Variants in NCMAP observed in about 807,000 individuals in gnomAD.
NCMAP encodes the protein non-compact myelin associated protein, also known as noncompact myelin-associated protein.
A neutral mutation model predicts 7.8 loss-of-function variants in NCMAP; 8 were observed. That is an observed-to-expected ratio of 1.02 (90% CI 0.60 to 1.84). NCMAP has a LOEUF of 1.84. NCMAP is among the 40% of genes most tolerant of loss of function. The probability of loss-of-function intolerance (pLI) is 0.00; values close to 1 mark genes in which losing one functional copy is unlikely to be tolerated. For missense variants in NCMAP, 112 were observed against 131.4 expected (o/e 0.85, Z 0.72); for synonymous variants, 41 against 52.9 (o/e 0.78, Z 0.98).
chr1:24,568,306 G>T (rs766871451), intron 1 of NCMAP, among the ~76,000 whole-genome samples: 4 of 152,168 alleles, frequency 2.6e-5, no homozygotes, highest in Admixed American at 6.5e-5. Context: ...GGAAGGAGAG[G>T]GAAACAAGTT....
intron 1 of NCMAP, among the ~76,000 whole-genome samples, chr1:24,586,759 C>CA (rs71577722): frequency 0.085 from 9,089 of 107,220 alleles, 387 homozygotes; most frequent in East Asian, 0.17. Flanking sequence ...GACTCCATCT[C>CA]AAAAAAAAAA....
chr1:24,569,121 G>A (rs1158632734), intron 1 of NCMAP, among the ~76,000 whole-genome samples: 1 of 151,880 alleles, frequency 6.6e-6, no homozygotes, highest in Non-Finnish European at 1.5e-5. Context: ...AGCCTCCCGA[G>A]TAGCTGAGAT....
chr1:24,568,240 C>T (rs1050461696), intron 1 of NCMAP, among the ~76,000 whole-genome samples: 1 of 152,044 alleles, frequency 6.6e-6, no homozygotes, highest in Non-Finnish European at 1.5e-5. Flanking sequence ...TCCTGGAGGC[C>T]CGCACGGGGC....
At chr1:24,593,900 A>T (rs12096809) in intron 1 of NCMAP, among the ~76,000 whole-genome samples, 17 of 136,590 alleles carry the variant, frequency 1.2e-4, no homozygotes, top group African/African-American at 3.2e-4. Flanking sequence ...TTATTTATTT[A>T]TTTTTTATTT....
At chr1:24,578,560 C>CTTTTTTTTTTTTT (rs555342098) in intron 1 of NCMAP, among the ~76,000 whole-genome samples, 1 of 107,376 alleles carries the variant, frequency 9.3e-6, no homozygotes, top group African/African-American at 4.3e-5. Flanking sequence ...TTCTTTCTTT[C>CTTTTTTTTTTTTT]TTTTTTTTTT....
chr1:24,592,209 G>A (rs1652067805), intron 1 of NCMAP, among the ~76,000 whole-genome samples: 1 of 152,324 alleles, frequency 6.6e-6, no homozygotes, highest in Admixed American at 6.5e-5. Flanking sequence ...TAGAACCAGC[G>A]AGTGAAGGGC....
chr1:24,574,536 C>A (rs996393309), intron 1 of NCMAP, among the ~76,000 whole-genome samples: 3 of 152,160 alleles, frequency 2.0e-5, no homozygotes, highest in African/African-American at 7.2e-5. Flanking sequence ...CACCGGACTT[C>A]GCAGCCTCCA....
chr1:24,593,857 ATTATTTATTTATTTAT>A (rs139852120), intron 1 of NCMAP, among the ~76,000 whole-genome samples: 139 of 144,718 alleles, frequency 9.6e-4, no homozygotes, highest in South Asian at 3.4e-3. Context: ...GTTCAGAGCG[ATTATTTATTTATTTAT>A]TTATTTATTT....
chr1:24,559,604 G>A (rs528372832), intron 1 of NCMAP, among the ~76,000 whole-genome samples: 28 of 152,354 alleles, frequency 1.8e-4, no homozygotes, highest in South Asian at 1.4e-3. Context: ...CTCTAAGACA[G>A]AGAGGCCTGT....
intron 1 of NCMAP, among the ~76,000 whole-genome samples, chr1:24,582,461 T>A (rs1402874769): frequency 6.6e-6 from 1 of 152,098 alleles, no homozygotes; most frequent in Admixed American, 6.6e-5. Context: ...GTGGGCCCAA[T>A]GTCATCGTAA....
intron 1 of NCMAP, among the ~76,000 whole-genome samples, chr1:24,557,919 A>ATCCCCTAC (rs1650952397): frequency 6.6e-6 from 1 of 152,172 alleles, no homozygotes; most frequent in East Asian, 1.9e-4. Context: ...TTTCCTATCA[A>ATCCCCTAC]CAGCTTATCC....
At chr1:24,566,378 G>C (rs925695515) in intron 1 of NCMAP, among the ~76,000 whole-genome samples, 1 of 152,178 alleles carries the variant, frequency 6.6e-6, no homozygotes, top group Admixed American at 6.5e-5. Flanking sequence ...GGCAGTGGCC[G>C]GGTCACACTG....
intron 1 of NCMAP, among the ~76,000 whole-genome samples, chr1:24,579,211 A>G (rs1034336865): frequency 6.7e-6 from 1 of 149,910 alleles, no homozygotes; most frequent in Non-Finnish European, 1.5e-5. Flanking sequence ...TTTTTTTTTT[A>G]AAGACTTCAT....
Position 24,593,738 on chromosome 1 carries a change from A to G in NCMAP, c.-7-1686A>G, listed in dbSNP as rs553553064. ...ACAAACAAGCCTAGGCAATTCTCTC[A>G]ATGTAGACCCTTCGTGGGCTTCCAA... On this transcript the variant is annotated intron_variant, in intron 1 of 3. Coordinates refer to ENST00000374392, the MANE Select transcript of NCMAP (RefSeq NM_001010980.5). Among the ~76,000 whole-genome samples the G allele has an allele frequency of 5.5e-3, 836 of 152,196 alleles. 10 individuals carry two copies. Among genetic ancestry groups the G allele is most frequent in the African/African-American group, 0.019 (797 of 41,528 alleles).
At chr1:24,572,239 G>A (rs1439792831) in intron 1 of NCMAP, among the ~76,000 whole-genome samples, 1 of 150,774 alleles carries the variant, frequency 6.6e-6, no homozygotes, top group East Asian at 1.9e-4. Context: ...CCACCTTAGG[G>A]TGGATGGATC....
intron 1 of NCMAP, among the ~76,000 whole-genome samples, chr1:24,573,627 A>G (rs1651452402): frequency 1.4e-5 from 2 of 147,786 alleles, no homozygotes; most frequent in African/African-American, 5.2e-5. Flanking sequence ...AAAAACAAAA[A>G]CTTGACTGGA....
chr1:24,577,177 T>A lies in NCMAP; in HGVS notation c.-7-18247T>A, dbSNP rs76533561. 9.8e-3 allele frequency among the ~76,000 whole-genome samples: 1,488 copies of A among 152,088 alleles called. 30 individuals carry two copies. The highest frequency in any genetic ancestry group is 0.034 in the African/African-American group (1,422 of 41,502). On this transcript the variant is annotated intron_variant, in intron 1 of 3. Transcript: ENST00000374392. ...ATAAAAATAAAAAATAAAAAGGATG[T>A]CACATGCTAAAATTATAGAGCACTA...
At chr1:24,564,526 A>C (rs964398949) in intron 1 of NCMAP, among the ~76,000 whole-genome samples, 6 of 148,348 alleles carry the variant, frequency 4.0e-5, no homozygotes, top group African/African-American at 7.5e-5. Context: ...AAAAAAAAAA[A>C]AAAAAACAAA....
intron 1 of NCMAP, among the ~76,000 whole-genome samples, chr1:24,559,889 C>T (rs561428396): frequency 2.0e-5 from 3 of 152,104 alleles, no homozygotes; most frequent in Admixed American, 6.5e-5. Context: ...TGGCCGGGCG[C>T]GGTGGCTCAC....
Sources: allele counts gnomAD v4.1 joint callset (sites outside exome capture counted in the v4.1 genomes callset), GRCh38; gene constraint gnomAD v4.1.1; transcripts MANE v1.5; gene names NCBI Gene and HGNC (gene_info 2026-07-23, HGNC 2026-07-21).